LRP1B: variants seen among roughly 807,000 people sequenced by gnomAD.
LRP1B encodes the protein low-density lipoprotein receptor-related protein 1B.
A neutral mutation model predicts 556.6 loss-of-function variants in LRP1B; 217 were observed. That is an observed-to-expected ratio of 0.39 (90% CI 0.35 to 0.44). LRP1B has a LOEUF of 0.44. Among genes scored for constraint, LRP1B ranks in the 20% least tolerant of loss-of-function variants. The probability of loss-of-function intolerance (pLI) is 1.00; values close to 1 mark genes in which losing one functional copy is unlikely to be tolerated. For synonymous variants in LRP1B, 2,047 were observed against 1,865.8 expected (o/e 1.10, Z -2.50); for missense variants, 5,053 against 5,620.8 (o/e 0.90, Z 3.23).
chr2:141,217,871 TA>T, intron 6 of LRP1B, among the ~76,000 whole-genome samples: 2 of 152,170 alleles, frequency 1.3e-5, no homozygotes, highest in South Asian at 4.1e-4. Flanking sequence ...TAAGGAACTT[TA>T]AGGAACTTAA....
At chr2:141,661,482 A>T (rs546573993) in intron 2 of LRP1B, among the ~76,000 whole-genome samples, 1 of 152,238 alleles carries the variant, frequency 6.6e-6, no homozygotes, top group Admixed American at 6.5e-5. Context: ...AGAAAGAAAC[A>T]TAAATGACCT....
intron 27 of LRP1B, among the ~76,000 whole-genome samples, chr2:140,853,547 AT>A (rs1573805474): frequency 6.6e-6 from 1 of 152,298 alleles, no homozygotes; most frequent in East Asian, 1.9e-4. Context: ...AACACAAAGA[AT>A]AAAAAAGAGA....
At chr2:140,695,355 C>T (rs1243744789) in intron 41 of LRP1B, among the ~76,000 whole-genome samples, 5 of 151,990 alleles carry the variant, frequency 3.3e-5, no homozygotes, top group African/African-American at 9.7e-5. Context: ...GTTTCTGTGG[C>T]CTCTAAGCTT....
chr2:141,876,552 G>A (rs1698765359), intron 1 of LRP1B, among the ~76,000 whole-genome samples: 1 of 151,888 alleles, frequency 6.6e-6, no homozygotes, highest in African/African-American at 2.4e-5. Context: ...TATCACTTCA[G>A]AAGTTCAGTT....
In LRP1B at chr2:141,261,523, C is replaced by T. The variant is rs912931523; in HGVS notation, c.344-6882G>A. 5.9e-5 allele frequency among the ~76,000 whole-genome samples: 9 copies of T among 152,146 alleles called. No individual in the cohort carries two copies. In the South Asian group the frequency reaches 1.2e-3, roughly 21 times the overall value. On this transcript the variant is annotated intron_variant, in intron 3 of 90. Coordinates refer to ENST00000389484, the MANE Select transcript of LRP1B (RefSeq NM_018557.3). The stretch of plus-strand genomic sequence containing the variant: ...TGCACCTCTACAGTCAACCCATTGC[C>T]CTGCTGACAATTTTGGTGATCACTG...
intron 6 of LRP1B, among the ~76,000 whole-genome samples, chr2:141,222,886 C>A (rs1573675061): frequency 1.3e-5 from 2 of 152,116 alleles, no homozygotes; most frequent in East Asian, 1.9e-4. Flanking sequence ...AAGGAACATA[C>A]CTCAAAATAA....
chr2:140,402,950 C>T (rs188704467), intron 66 of LRP1B, among the ~76,000 whole-genome samples: 136 of 152,258 alleles, frequency 8.9e-4, no homozygotes, highest in Middle Eastern at 3.4e-3. Context: ...AGAGGGTGTA[C>T]TTGCCCACAC....
chr2:141,246,379 C>T (rs1684069760), intron 5 of LRP1B, among the ~76,000 whole-genome samples: 1 of 152,148 alleles, frequency 6.6e-6, no homozygotes, highest in Non-Finnish European at 1.5e-5. Flanking sequence ...GAAGATCAGA[C>T]ACTGGAAAGG....
chr2:142,033,029 C>T (rs747188015), intron 1 of LRP1B, among the ~76,000 whole-genome samples: 37 of 151,898 alleles, frequency 2.4e-4, no homozygotes, highest in Non-Finnish European at 4.0e-4. Flanking sequence ...TTTTTTTCTA[C>T]GCCTCATCTG....
Position 140,378,256 on chromosome 2 carries a change from A to G in LRP1B, c.10562T>C (p.Leu3521Pro). ...KPQTCTLKDF[L>P]CANGDCVSSR... ...AGAAACACAGTCCCCATTGGCACAG[A>G]GGAAATCTTTCAATGTACATGTCTG... is the stretch of plus-strand genomic sequence containing the variant. The change falls in exon 68 of 91, where the codon CTC becomes CCC. Residue 3521 changes from leucine (L) to proline (P), a missense_variant. Leu to Pro is a moderately conservative substitution (Grantham distance 98, BLOSUM62 -3). Coordinates refer to ENST00000389484, the MANE Select transcript of LRP1B (RefSeq NM_018557.3). 1.2e-6 allele frequency: 2 copies of G among 1,613,362 alleles called. No individual in the cohort carries two copies. The highest frequency in any genetic ancestry group is 1.7e-4 in the Middle Eastern group (1 of 6,058).
chr2:141,158,525 C>T (rs1018050521), intron 7 of LRP1B, among the ~76,000 whole-genome samples: 4 of 152,070 alleles, frequency 2.6e-5, no homozygotes, highest in Admixed American at 2.0e-4. Flanking sequence ...CTCCAAGATA[C>T]TTGTCTTTTC....
intron 7 of LRP1B, among the ~76,000 whole-genome samples, chr2:141,087,739 G>C (rs1700081166): frequency 6.6e-6 from 1 of 152,170 alleles, no homozygotes; most frequent in Non-Finnish European, 1.5e-5. Context: ...AAACTTGAAG[G>C]GCAAGTAGGA....
At chr2:142,059,598 AT>A (rs1456448558) in intron 1 of LRP1B, among the ~76,000 whole-genome samples, 1 of 152,052 alleles carries the variant, frequency 6.6e-6, no homozygotes, top group Non-Finnish European at 1.5e-5. Flanking sequence ...ATTTGATTTA[AT>A]AGTCATCTTC....
intron 41 of LRP1B, among the ~76,000 whole-genome samples, chr2:140,660,461 C>T (rs1366230204): frequency 2.0e-5 from 3 of 152,006 alleles, no homozygotes; most frequent in Admixed American, 6.6e-5. Context: ...TTTATAAATG[C>T]TGTATAAGTT....
In LRP1B at chr2:140,315,060, C is replaced by A. The variant is rs1443760467; in HGVS notation, c.12680G>T (p.Cys4227Phe). The A allele has an allele frequency of 1.2e-6, 2 of 1,610,540 alleles. No homozygotes were observed. The highest frequency in any genetic ancestry group is 1.7e-5 in the Admixed American group (1 of 59,602). Residue 4227 changes from cysteine to phenylalanine, a missense_variant, in exon 83 of 91, where the codon TGC becomes TTC. Physicochemically the swap from Cys to Phe is radical, Grantham distance 205. Transcript: ENST00000389484. Reference protein sequence around the residue: ...CKLTCENGGRCILNEKGDLRC... With the variant: ...CKLTCENGGRFILNEKGDLRC... ...CAAATCACCTTTCTCATTTAAAATGCATCTTCCTCCATTTTCACAAGTTAA... is the reference window on the plus strand; with the variant it reads ...CAAATCACCTTTCTCATTTAAAATGAATCTTCCTCCATTTTCACAAGTTAA...
intron 7 of LRP1B, among the ~76,000 whole-genome samples, chr2:141,070,841 T>G (rs1440460540): frequency 3.3e-5 from 5 of 152,012 alleles, no homozygotes; most frequent in South Asian, 2.1e-4. Flanking sequence ...AATAACAGGC[T>G]CTGAAATTGT....
chr2:141,441,388 T>G (rs1262599444), intron 3 of LRP1B, among the ~76,000 whole-genome samples: 1 of 152,142 alleles, frequency 6.6e-6, no homozygotes, highest in African/African-American at 2.4e-5. Context: ...AGCCCTGGGT[T>G]TTATTATGGG....
At position 141,974,609 on chromosome 2, in the gene LRP1B, C is replaced by T. The variant is rs149511138; in HGVS notation, c.82+156039G>A. 4.6e-4 allele frequency among the ~76,000 whole-genome samples: 70 copies of T among 152,032 alleles called. 1 individual carries two copies. In the East Asian group the frequency reaches 0.011, roughly 24 times the overall value. On this transcript the variant is annotated intron_variant, in intron 1 of 90. Transcript: ENST00000389484. ...CAGGTAATATGTGTAAATGTAAACA[C>T]GCGTTATGTGGAAAAACTACAGGAA...
rs1573793293 is a variant in LRP1B at position 140,843,242 on chromosome 2, G to C, written c.4940-2150C>G. 2.0e-5 allele frequency among the ~76,000 whole-genome samples: 3 copies of C among 151,860 alleles called. No homozygotes were observed. The East Asian group carries it at 5.8e-4, about 29-fold the overall frequency. On this transcript the variant is annotated intron_variant, in intron 29 of 90. Transcript: ENST00000389484. Reference sequence around the variant, plus strand: ...AATTGTAAAGCATAGCCAAATGAAAGCTATAAATATCTATCTAGTCTTTGT... The same window carrying C: ...AATTGTAAAGCATAGCCAAATGAAACCTATAAATATCTATCTAGTCTTTGT...
Sources: allele counts gnomAD v4.1 joint callset (sites outside exome capture counted in the v4.1 genomes callset), GRCh38; gene constraint gnomAD v4.1.1; transcripts MANE v1.5; gene names NCBI Gene and HGNC (gene_info 2026-07-23, HGNC 2026-07-21).